Variants in PCMTD1 observed in about 807,000 individuals in gnomAD.
PCMTD1 encodes the protein protein-L-isoaspartate (D-aspartate) O-methyltransferase domain containing 1.
Under a neutral mutation model 37.6 loss-of-function variants are expected in PCMTD1, and 12 were observed. That is an observed-to-expected ratio of 0.32 (90% CI 0.20 to 0.52). PCMTD1 has a LOEUF of 0.52. Among genes scored for constraint, PCMTD1 ranks in the 20% least tolerant of loss-of-function variants. The pLI is 0.97. For synonymous variants in PCMTD1, 117 were observed against 135.8 expected (o/e 0.86, Z 0.96); for missense variants, 235 against 421.3 (o/e 0.56, Z 3.87).
intron 2 of PCMTD1, among the ~76,000 whole-genome samples, chr8:51,851,218 A>G (rs1379751664): frequency 1.3e-5 from 2 of 152,156 alleles, no homozygotes; most frequent in Admixed American, 1.3e-4. Context: ...GTTTTGGGGG[A>G]GGCATCATGA....
At chr8:51,858,263 G>A (rs985173248) in intron 2 of PCMTD1, among the ~76,000 whole-genome samples, 14 of 152,028 alleles carry the variant, frequency 9.2e-5, no homozygotes, top group African/African-American at 2.7e-4. Flanking sequence ...TGCTTTGGCC[G>A]GGACTCCCCC....
chr8:51,862,685 C>G (rs2038491004), intron 1 of PCMTD1, among the ~76,000 whole-genome samples: 1 of 152,164 alleles, frequency 6.6e-6, no homozygotes, highest in Non-Finnish European at 1.5e-5. Context: ...CCAGGGTCCT[C>G]AGGCCCCTGG....
chr8:51,845,648 T>A lies in PCMTD1; in HGVS notation c.410+13A>T. ...AGTGATTTTAAACCAAAACTATAGA[T>A]ATGAATACTTACTTATCAAAGCTAT... On this transcript the variant is annotated intron_variant, in intron 3 of 5. Transcript: ENST00000522514. The A allele has an allele frequency of 6.3e-7, 1 of 1,583,868 alleles. No homozygotes were observed. The highest frequency in any genetic ancestry group is 8.7e-7 in the Non-Finnish European group (1 of 1,154,050).
chr8:51,891,542 C>T lies in PCMTD1; in HGVS notation c.-96+7388G>A, dbSNP rs151200173. Reference sequence around the variant, plus strand: ...CTGCACTCCAGGCTGGGTGACACAGCGAGGCCCTGTCTCAAAAAAAAGAAA... The same window carrying T: ...CTGCACTCCAGGCTGGGTGACACAGTGAGGCCCTGTCTCAAAAAAAAGAAA... On this transcript the variant is annotated intron_variant, in intron 1 of 5. Transcript: ENST00000522514. Among the ~76,000 whole-genome samples the T allele has an allele frequency of 1.3e-3, 192 of 151,404 alleles. 1 individual carries two copies. The highest frequency in any genetic ancestry group is 4.4e-3 in the African/African-American group (183 of 41,214).
chr8:51,828,484 T>C (rs1032613040), intron 5 of PCMTD1, among the ~76,000 whole-genome samples: 27 of 152,184 alleles, frequency 1.8e-4, no homozygotes, highest in African/African-American at 6.3e-4. Flanking sequence ...TTTTCCACTT[T>C]ACAATGTGTT....
At chr8:51,897,329 A>G (rs1358652872) in intron 1 of PCMTD1, among the ~76,000 whole-genome samples, 3 of 152,164 alleles carry the variant, frequency 2.0e-5, no homozygotes, top group African/African-American at 7.2e-5. Context: ...CTCCACTTCC[A>G]GTTTACTCCC....
intron 1 of PCMTD1, among the ~76,000 whole-genome samples, chr8:51,877,238 G>A (rs751517094): frequency 6.6e-6 from 1 of 152,250 alleles, no homozygotes; most frequent in East Asian, 1.9e-4. Context: ...AACCTGATGC[G>A]GTCACTTTAC....
intron 3 of PCMTD1, among the ~76,000 whole-genome samples, chr8:51,842,284 A>G (rs2038157918): frequency 6.6e-6 from 1 of 152,174 alleles, no homozygotes; most frequent in South Asian, 2.1e-4. Flanking sequence ...TAAAGAAAGA[A>G]TACTACTTTC....
intron 3 of PCMTD1, among the ~76,000 whole-genome samples, chr8:51,837,885 T>C (rs1585797940): frequency 6.6e-6 from 1 of 152,234 alleles, no homozygotes; most frequent in East Asian, 1.9e-4. Context: ...GTTCAAGCAA[T>C]TCTTGTGCCT....
chr8:51,824,960 A>T (rs2037901335), intron 5 of PCMTD1, among the ~76,000 whole-genome samples: 2 of 152,374 alleles, frequency 1.3e-5, no homozygotes, highest in East Asian at 3.9e-4. Flanking sequence ...TCCCTATTTA[A>T]TAAATGGTGT....
chr8:51,826,260 C>T (rs1356843574), intron 5 of PCMTD1, among the ~76,000 whole-genome samples: 2 of 152,166 alleles, frequency 1.3e-5, no homozygotes, highest in African/African-American at 2.4e-5. Flanking sequence ...CAAACTATCA[C>T]AAGAACCAAA....
chr8:51,831,044 T>C (rs796914619), intron 5 of PCMTD1, among the ~76,000 whole-genome samples: 13 of 151,580 alleles, frequency 8.6e-5, no homozygotes, highest in African/African-American at 3.1e-4. Flanking sequence ...ACGCCTATAA[T>C]CCCAGCACTT....
rs2038449472 is a variant in PCMTD1 at position 51,860,065 on chromosome 8, C to T, written c.307+780G>A. Among the ~76,000 whole-genome samples, 3 of 152,224 alleles carry T rather than the reference C, an allele frequency of 2.0e-5. No homozygotes were observed. In the South Asian group the frequency reaches 6.2e-4, roughly 31 times the overall value. The stretch of plus-strand genomic sequence containing the variant: ...ATGTCTTATAGCAGATTTTCCTCCA[C>T]CCATGTGTCTTCCACCTATATTCCA... On this transcript the variant is annotated intron_variant, in intron 2 of 5. Coordinates refer to ENST00000522514, the MANE Select transcript of PCMTD1 (RefSeq NM_052937.4).
chr8:51,855,183 A>C (rs901615844), intron 2 of PCMTD1, among the ~76,000 whole-genome samples: 1 of 146,798 alleles, frequency 6.8e-6, no homozygotes, highest in African/African-American at 2.5e-5. Flanking sequence ...TCAAAAAAAA[A>C]AAAAAACAAA....
intron 1 of PCMTD1, among the ~76,000 whole-genome samples, chr8:51,891,675 AATATATATATACATATATATGTATATAT>A (rs1259384225): frequency 2.0e-4 from 25 of 126,970 alleles, no homozygotes; most frequent in Non-Finnish European, 3.7e-4. Flanking sequence ...AAAAACAAAA[AATATATATATACATATATATGTATATAT>A]ATATATATAG....
chr8:51,875,449 A>G (rs1307488032), intron 1 of PCMTD1, among the ~76,000 whole-genome samples: 2 of 152,220 alleles, frequency 1.3e-5, no homozygotes, highest in African/African-American at 4.8e-5. Context: ...TCACAATTCA[A>G]TAGGATTTAT....
chr8:51,861,610 T>C (rs922957434), intron 1 of PCMTD1, among the ~76,000 whole-genome samples: 3 of 152,182 alleles, frequency 2.0e-5, no homozygotes, highest in African/African-American at 7.2e-5. Context: ...GTATTTTAAG[T>C]GTTTAATAGC....
chr8:51,898,891 C>T lies in PCMTD1; in HGVS notation c.-96+39G>A, dbSNP rs529174305. The T allele has an allele frequency of 9.4e-6, 12 of 1,277,256 alleles. No individual in the cohort carries two copies. The South Asian group carries it at 2.4e-4, about 25-fold the overall frequency. The allele number at this position is 1,277,256 out of a possible 1,614,324, so 79.1% of individuals were successfully genotyped here. On this transcript the variant is annotated intron_variant, in intron 1 of 5. Transcript: ENST00000522514. Reference sequence around the variant, plus strand: ...CCGGCCCTAGCACGCGGGACTCGCACACCCCACGACCCCGAGCCCCCACTG... The same window carrying T: ...CCGGCCCTAGCACGCGGGACTCGCATACCCCACGACCCCGAGCCCCCACTG...
intron 2 of PCMTD1, among the ~76,000 whole-genome samples, chr8:51,858,717 G>A (rs1280553337): frequency 2.0e-5 from 3 of 152,192 alleles, no homozygotes; most frequent in Middle Eastern, 3.4e-3. Context: ...TAATCAAAAC[G>A]AGAACAACTA....
Sources: gnomAD v4.1 joint callset for allele counts (sites outside exome capture counted in the v4.1 genomes callset) on GRCh38, gnomAD v4.1.1 for gene constraint, MANE v1.5 for transcripts, NCBI Gene and HGNC (gene_info 2026-07-23, HGNC 2026-07-21) for gene names.